Variants in ZRANB1 observed in about 807,000 individuals in gnomAD.
ZRANB1 encodes the protein zinc finger RANBP2-type containing 1.
A neutral mutation model predicts 80.5 loss-of-function variants in ZRANB1; 16 were observed. The ratio of observed to expected loss-of-function variants is 0.20; its 90% confidence interval spans 0.13 to 0.30. The LOEUF is 0.30. ZRANB1 is among the 10% of genes least tolerant of loss of function. The probability of loss-of-function intolerance (pLI) is 1.00; values close to 1 mark genes in which losing one functional copy is unlikely to be tolerated. For missense variants in ZRANB1, 576 were observed against 862.6 expected, an observed-to-expected ratio of 0.67 and a Z score of 4.16; for synonymous variants, 291 against 293.1, an observed-to-expected ratio of 0.99 and a Z score of 0.07.
intron 2 of ZRANB1, among the ~76,000 whole-genome samples, chr10:124,967,955 G>A (rs1951790102): frequency 6.6e-6 from 1 of 150,554 alleles, no homozygotes; most frequent in South Asian, 2.1e-4. Flanking sequence ...CTGTAGTATA[G>A]TGGCACGATC....
In ZRANB1 at chr10:124,985,695, A is replaced by ATATT. The variant is rs1473952607; in HGVS notation, c.*709_*712dup. 2 of 152,512 alleles carry ATATT rather than the reference A, an allele frequency of 1.3e-5. No homozygotes were observed. Among genetic ancestry groups the ATATT allele is most frequent in the Non-Finnish European group, 2.9e-5 (2 of 68,032 alleles). The allele number at this position is 152,512 out of a possible 1,614,324, so 9.4% of individuals were successfully genotyped here. ...TGATATGCCCCCTTTCAATATTTAG[A>ATATT]TATTTATTTGTTGGGAAGAATACCT... On this transcript the variant is annotated 3_prime_UTR_variant, in exon 9 of 9. Coordinates refer to ENST00000359653, the MANE Select transcript of ZRANB1 (RefSeq NM_017580.3).
At chr10:124,957,649 A>T (rs751994113) in intron 1 of ZRANB1, among the ~76,000 whole-genome samples, 1 of 152,150 alleles carries the variant, frequency 6.6e-6, no homozygotes, top group Non-Finnish European at 1.5e-5. Context: ...GGAATCATAC[A>T]GTATCTGTCC....
At chr10:124,930,212 G>A in the ZRANB1 span, among the ~76,000 whole-genome samples, 13 of 152,148 alleles carry the variant, frequency 8.5e-5, no homozygotes, top group Admixed American at 6.6e-4. Flanking sequence ...GTAAGAGAGG[G>A]AGAGGGACTC....
At chr10:124,957,014 C>T (rs1276877233) in intron 1 of ZRANB1, among the ~76,000 whole-genome samples, 8 of 152,154 alleles carry the variant, frequency 5.3e-5, no homozygotes, top group Admixed American at 2.0e-4. Context: ...TCCTACACAA[C>T]CACACAGTAT....
rs1227348226 is a variant in ZRANB1, at chr10:124,983,081, A to T, written c.1549-94A>T. 3.8e-6 allele frequency: 5 copies of T among 1,306,814 alleles called. No individual in the cohort carries two copies. The African/African-American group carries it at 7.4e-5, about 19-fold the overall frequency. 81.0% of individuals were successfully genotyped at this position (1,306,814 alleles called of 1,614,324 possible). On this transcript the variant is annotated intron_variant, in intron 6 of 8. Transcript: ENST00000359653. The surrounding 1 kb of genome is among the most constrained non-coding windows in gnomAD (Gnocchi z 6.2). ...TTTTCTTTCTTAAAAACCAACTGCG[A>T]TAGTATACTGAAGGGGAGGTAGTAT...
chr10:124,983,107 T>G lies in ZRANB1; in HGVS notation c.1549-68T>G. On this transcript the variant is annotated intron_variant, in intron 6 of 8. Transcript: ENST00000359653. The surrounding 1 kb of genome is among the most constrained non-coding windows in gnomAD (Gnocchi z 6.2). ...TAGTATACTGAAGGGGAGGTAGTAT[T>G]GTTTTTTACACATCAGTTTTCCAGG... 6.6e-7 allele frequency: 1 copy of G among 1,520,880 alleles called. No individual in the cohort carries two copies. Among genetic ancestry groups the G allele is most frequent in the Non-Finnish European group, 8.8e-7 (1 of 1,131,972 alleles). The allele number at this position is 1,520,880 out of a possible 1,614,324, so 94.2% of individuals were successfully genotyped here.
chr10:124,948,471 CTG>C (rs1362748578), intron 1 of ZRANB1, among the ~76,000 whole-genome samples: 2 of 151,124 alleles, frequency 1.3e-5, no homozygotes, highest in Admixed American at 6.6e-5. Flanking sequence ...CTGAACTAAT[CTG>C]TTTTCCACCT....
At chr10:124,965,618 T>C (rs983977706) in intron 1 of ZRANB1, among the ~76,000 whole-genome samples, 1 of 152,200 alleles carries the variant, frequency 6.6e-6, no homozygotes, top group East Asian at 1.9e-4. Flanking sequence ...ACTAAGAATA[T>C]TTTTTTACCT....
At chr10:124,938,731 A>T (rs1325028377), upstream of ZRANB1, among the ~76,000 whole-genome samples, 2 of 150,172 alleles carry the variant, frequency 1.3e-5, no homozygotes, top group East Asian at 3.9e-4. Context: ...TCCTTGAGAC[A>T]GCCTTGCTCT....
the ZRANB1 span, among the ~76,000 whole-genome samples, chr10:124,925,777 G>A: frequency 6.6e-6 from 1 of 152,178 alleles, no homozygotes; most frequent in African/African-American, 2.4e-5. Context: ...GCATGTGGCT[G>A]TCTGGTTATC....
intron 2 of ZRANB1, 107 bp from the exon 3 acceptor site, chr10:124,971,858 A>G (rs1326697805): frequency 9.2e-7 from 1 of 1,086,432 alleles, no homozygotes; most frequent in Non-Finnish European, 1.3e-6. Context: ...AAGATTAAAG[A>G]AAACCTTGAG....
At position 124,984,800 on chromosome 10, in the gene ZRANB1, A is replaced by G. The variant is rs1295006023; in HGVS notation, c.1935A>G (p.Lys645=). 1.2e-6 allele frequency: 2 copies of G among 1,613,438 alleles called. No individual in the cohort carries two copies. The highest frequency in any genetic ancestry group is 1.7e-6 in the Non-Finnish European group (2 of 1,179,820). Residue 645 remains lysine (K), a synonymous_variant, in exon 9 of 9, where the codon AAA becomes AAG. Transcript: ENST00000359653. ...QELGNEEQQE[K]LLREWLDCCV... Reference sequence around the variant, plus strand: ...TAGGTAATGAGGAACAGCAAGAAAAACTGCTCAGGGAGTGGCTGGACTGCT... The same window carrying G: ...TAGGTAATGAGGAACAGCAAGAAAAGCTGCTCAGGGAGTGGCTGGACTGCT...
intron 1 of ZRANB1, among the ~76,000 whole-genome samples, chr10:124,961,530 T>G (rs1951734842): frequency 6.6e-6 from 1 of 152,260 alleles, no homozygotes; most frequent in Admixed American, 6.5e-5. Flanking sequence ...ATCTTCTTTC[T>G]TACGAAGTTA....
At chr10:124,936,121 G>A in the ZRANB1 span, among the ~76,000 whole-genome samples, 1 of 152,142 alleles carries the variant, frequency 6.6e-6, no homozygotes, top group African/African-American at 2.4e-5. Flanking sequence ...TATGTTGGGT[G>A]GTGGTGACAC....
At chr10:124,920,603 A>T in the ZRANB1 span, among the ~76,000 whole-genome samples, 4 of 151,914 alleles carry the variant, frequency 2.6e-5, no homozygotes, top group Admixed American at 2.0e-4. Flanking sequence ...GCCTTGCTTT[A>T]TGCCATTCTT....
chr10:124,950,422 T>A (rs1951628427), intron 1 of ZRANB1, among the ~76,000 whole-genome samples: 1 of 152,192 alleles, frequency 6.6e-6, no homozygotes, highest in Non-Finnish European at 1.5e-5. Flanking sequence ...CTGTGCCTGG[T>A]CTTACATGAT....
Position 124,966,722 on chromosome 10 carries a change from C to A in ZRANB1, c.943C>A (p.Leu315Ile). The A allele has an allele frequency of 6.2e-7, 1 of 1,614,130 alleles. No homozygotes were observed. The highest frequency in any genetic ancestry group is 1.1e-5 in the South Asian group (1 of 91,078). ...TTCTGCCTTTGATGTTGGCTATACT[C>A]TTGTACACTTGGCTATACGTTTTCA... is the stretch of plus-strand genomic sequence containing the variant. ...RPSAFDVGYT[L>I]VHLAIRFQRQ... The change falls in exon 2 of 9, where the codon CTT becomes ATT. Residue 315 changes from leucine (L) to isoleucine (I), a missense_variant. Transcript: ENST00000359653.
chr10:124,979,396 T>G (rs967104951), intron 5 of ZRANB1, among the ~76,000 whole-genome samples: 4 of 152,254 alleles, frequency 2.6e-5, no homozygotes, highest in Non-Finnish European at 4.4e-5. Flanking sequence ...AATATTGATT[T>G]GCAGATGTTG....
the ZRANB1 span, among the ~76,000 whole-genome samples, chr10:124,916,904 G>C: frequency 6.6e-6 from 1 of 151,918 alleles, no homozygotes; most frequent in Non-Finnish European, 1.5e-5. Context: ...ATTTGGCTCC[G>C]GGTCCCTCGG....
Sources: allele counts gnomAD v4.1 joint callset (sites outside exome capture counted in the v4.1 genomes callset), GRCh38; gene constraint gnomAD v4.1.1; non-coding constraint Gnocchi (gnomAD v3.1); transcripts MANE v1.5; gene names NCBI Gene and HGNC (gene_info 2026-07-23, HGNC 2026-07-21).